VEZF1: variants seen among roughly 807,000 people sequenced by gnomAD.
The protein encoded by VEZF1 is putative transcription factor DB1.
VEZF1 carries 5 observed loss-of-function variants against 44.1 expected under a neutral mutation model. The observed-to-expected ratio is 0.11, with a 90% confidence interval of 0.06 to 0.24. VEZF1 has a LOEUF of 0.24. Ranked by LOEUF, VEZF1 falls within the 10% of genes least tolerant of loss-of-function variation. The pLI is 1.00. For missense variants in VEZF1, 358 were observed against 641.8 expected (o/e 0.56, Z 4.78); for synonymous variants, 236 against 233.1 (o/e 1.01, Z -0.11).
intron 1 of VEZF1, among the ~76,000 whole-genome samples, chr17:57,987,192 G>A (rs2075303039): frequency 6.6e-6 from 1 of 152,142 alleles, no homozygotes; most frequent in South Asian, 2.1e-4. Context: ...CTCTCCACTT[G>A]GTTGGAGGAA....
rs2075139160 is a variant in VEZF1, at chr17:57,971,876, C to T, written c.*2597G>A. ...TGCCTTTTCGTAGAGCAGTGGCTGT[C>T]GTGCCTTCAACACCTGGTTGAATCA... On this transcript the variant is annotated 3_prime_UTR_variant, in exon 6 of 6. Coordinates refer to ENST00000581208, the MANE Select transcript of VEZF1 (RefSeq NM_007146.3). 6.6e-6 allele frequency: 1 copy of T among 152,604 alleles called. No homozygotes were observed. Among genetic ancestry groups the T allele is most frequent in the Admixed American group, 6.5e-5 (1 of 15,280 alleles). 9.5% of individuals were successfully genotyped at this position (152,604 alleles called of 1,614,324 possible). A position where few individuals can be genotyped will look rare whatever the true frequency, so the allele number is the denominator to read the frequency against.
chr17:57,974,923 C>T (rs767679060), intron 5 of VEZF1, 23 bp from the exon 6 acceptor site: 10 of 1,586,980 alleles, frequency 6.3e-6, no homozygotes, highest in Non-Finnish European at 8.6e-6. Flanking sequence ...GAAAAAGGGT[C>T]TTTAGATTCT....
At chr17:57,986,347 T>C (rs545935966) in intron 1 of VEZF1, among the ~76,000 whole-genome samples, 12 of 152,288 alleles carry the variant, frequency 7.9e-5, no homozygotes, top group Non-Finnish European at 1.6e-4. Context: ...ATGCTTAATA[T>C]GGTTTTTAAT....
chr17:57,981,816 CCTT>C, intron 3 of VEZF1, 54 bp downstream of exon 3: 1 of 1,538,504 alleles, frequency 6.5e-7, no homozygotes, highest in Non-Finnish European at 9.0e-7. Context: ...CTGGCTCAGA[CCTT>C]CTGGATAATG....
In VEZF1 at chr17:57,974,867, G is replaced by A. The variant is rs2075173586; in HGVS notation, c.1172C>T (p.Ala391Val). Residue 391 changes from alanine to valine, a missense_variant, in exon 6 of 6, where the codon GCT (alanine) becomes GTT (valine). Physicochemically the swap from Ala to Val is moderately conservative, Grantham distance 64. Coordinates refer to ENST00000581208, the MANE Select transcript of VEZF1 (RefSeq NM_007146.3). ...AGTAGTGAGAGTCACAGGTGTCGTA[G>A]CAGCCGTGGAGGTTTGGCACAGGTT... is the stretch of plus-strand genomic sequence containing the variant. Reference protein sequence around the residue: ...AANLCQTSTAATTPVTLTTPF... With the variant: ...AANLCQTSTAVTTPVTLTTPF... The A allele has an allele frequency of 1.2e-6, 2 of 1,614,000 alleles. No individual in the cohort carries two copies. Among genetic ancestry groups the A allele is most frequent in the Admixed American group, 3.3e-5 (2 of 60,006 alleles).
intron 4 of VEZF1, among the ~76,000 whole-genome samples, chr17:57,980,113 C>T (rs573705832): frequency 6.6e-6 from 1 of 152,070 alleles, no homozygotes; most frequent in Admixed American, 6.5e-5. Context: ...ACACATTAAG[C>T]TTTCTTCCCC....
rs1392840939 is a variant in VEZF1, at chr17:57,988,251, C to T, written c.-140G>A. On this transcript the variant is annotated 5_prime_UTR_variant, in exon 1 of 6. Coordinates refer to ENST00000581208, the MANE Select transcript of VEZF1 (RefSeq NM_007146.3). ...CTCAACATGGCAGCGCCGAGCGCGG[C>T]CACTTCCGGTAACCTCCGGGACGCA... 5.9e-6 allele frequency: 1 copy of T among 170,626 alleles called. No homozygotes were observed. Among genetic ancestry groups the T allele is most frequent in the Non-Finnish European group, 1.2e-5 (1 of 80,326 alleles). 10.6% of individuals were successfully genotyped at this position (170,626 alleles called of 1,614,324 possible). A position where few individuals can be genotyped will look rare whatever the true frequency, so the allele number is the denominator to read the frequency against.
At position 57,988,166 on chromosome 17, in the gene VEZF1, C is replaced by T. The variant is rs2075319949; in HGVS notation, c.-55G>A. ...ACTCCCCCCGCTCGGGGAGCCTCCT[C>T]AGCCGGAGGAGGCGACAACAAAGCG... On this transcript the variant is annotated 5_prime_UTR_variant, in exon 1 of 6. It removes the in-frame stop codon of an upstream open reading frame in the 5' UTR. Transcript: ENST00000581208. 3 of 515,314 alleles carry T rather than the reference C, an allele frequency of 5.8e-6. No individual in the cohort carries two copies. The highest frequency in any genetic ancestry group is 1.5e-4 in the South Asian group (2 of 12,972). 31.9% of individuals were successfully genotyped at this position (515,314 alleles called of 1,614,324 possible).
chr17:57,983,063 C>T lies in VEZF1; in HGVS notation c.364G>A (p.Asp122Asn). 1.2e-6 allele frequency: 2 copies of T among 1,614,150 alleles called. No homozygotes were observed. Among genetic ancestry groups the T allele is most frequent in the Non-Finnish European group, 8.5e-7 (1 of 1,180,028 alleles). Reference sequence around the variant, plus strand: ...GAGACCAACGAAGTTCGGCTGCTGTCCCCAGCGATGGTAGAGATAAGGGGA... The same window carrying T: ...GAGACCAACGAAGTTCGGCTGCTGTTCCCAGCGATGGTAGAGATAAGGGGA... ...VVPLISTIAG[D>N]SSRTSLVSTI... Residue 122 changes from aspartate (D) to asparagine (N), a missense_variant, in exon 2 of 6, where the codon GAC becomes AAC. Around this residue, in one of 4 missense-constraint regions of VEZF1, gnomAD observed 117 missense variants for 207.2 expected, o/e 0.56. Coordinates refer to ENST00000581208, the MANE Select transcript of VEZF1 (RefSeq NM_007146.3).
At chr17:57,985,496 A>C in intron 1 of VEZF1, 4 of 1,165,544 alleles carry the variant, frequency 3.4e-6, no homozygotes, top group Non-Finnish European at 4.3e-6. Flanking sequence ...AATAACAACC[A>C]CGGCCAGCCT....
In VEZF1 at chr17:57,980,806, T is replaced by C. The variant is rs1289987305; in HGVS notation, c.793-20A>G. ...GCACGTCTGCATGAGGGAGGAAAACTTTTTTTAAATATAGACTATCCTGTT... is the reference window on the plus strand; with the variant it reads ...GCACGTCTGCATGAGGGAGGAAAACCTTTTTTAAATATAGACTATCCTGTT... On this transcript the variant is annotated intron_variant, in intron 3 of 5. Coordinates refer to ENST00000581208, the MANE Select transcript of VEZF1 (RefSeq NM_007146.3). 3 of 1,612,832 alleles carry C rather than the reference T, an allele frequency of 1.9e-6. No homozygotes were observed. Among genetic ancestry groups the C allele is most frequent in the East Asian group, 2.2e-5 (1 of 44,858 alleles).
intron 1 of VEZF1, chr17:57,985,466 C>A: frequency 8.2e-7 from 1 of 1,218,318 alleles, no homozygotes. Flanking sequence ...AACTTCTTCT[C>A]TGGGGGAGAG....
intron 2 of VEZF1, 69 bp downstream of exon 2, chr17:57,982,630 A>C: frequency 7.0e-7 from 1 of 1,437,086 alleles, no homozygotes; most frequent in Non-Finnish European, 9.4e-7. Context: ...ATTCTAGATC[A>C]CATGGAGACA....
intron 5 of VEZF1, among the ~76,000 whole-genome samples, chr17:57,977,274 G>A (rs117159486): frequency 0.016 from 2,374 of 151,936 alleles, 35 homozygotes; most frequent in Non-Finnish European, 0.019. Context: ...GCACTGTCAC[G>A]TCCGGCTAAT....
In VEZF1 at chr17:57,982,734, G is replaced by C. The variant is rs1433983195; in HGVS notation, c.693C>G (p.Pro231=). 3 of 1,614,004 alleles carry C rather than the reference G, an allele frequency of 1.9e-6. No individual in the cohort carries two copies. Among genetic ancestry groups the C allele is most frequent in the Non-Finnish European group, 2.5e-6 (3 of 1,179,922 alleles). ...CTTTCCCACAAACACTGCAAGTATA[G>C]GGTTTGGTGATGCCTCCTTCATGAG... ...VRSHEGGITK[P]YTCSVCGKGF... The change falls in exon 2 of 6, where the codon CCC becomes CCG. Residue 231 remains proline, a synonymous_variant. Coordinates refer to ENST00000581208, the MANE Select transcript of VEZF1 (RefSeq NM_007146.3).
Position 57,974,751 on chromosome 17 carries a change from C to T in VEZF1, c.1288G>A (p.Val430Ile). ...CTGGTTATGTTAACTGCACTTGAAA[C>T]ATTTACTGGACTTCTCATGCTCATT... ...AAMSMRSPVNVSSAVNITSPM... is the reference protein window; with the variant it reads ...AAMSMRSPVNISSAVNITSPM... Residue 430 changes from valine to isoleucine, a missense_variant, in exon 6 of 6, where the codon GTT (valine) becomes ATT (isoleucine). By Grantham distance (29) the Val-to-Ile change is conservative (BLOSUM62 3). This residue lies in a region of VEZF1 where 171 missense variants were observed against 272.4 expected (regional missense o/e 0.63). Transcript: ENST00000581208. 5 of 1,614,116 alleles carry T rather than the reference C, an allele frequency of 3.1e-6. No homozygotes were observed. The highest frequency in any genetic ancestry group is 4.2e-6 in the Non-Finnish European group (5 of 1,180,026).
In VEZF1 at chr17:57,981,696, G is replaced by A. The variant is rs73995412; in HGVS notation, c.792+177C>T. ...CACGCTTAAATTTTTAAATGATCTT[G>A]CTTTACAGAAACAGAAGCTGTCAGT... On this transcript the variant is annotated intron_variant, in intron 3 of 5. Coordinates refer to ENST00000581208, the MANE Select transcript of VEZF1 (RefSeq NM_007146.3). Among the ~76,000 whole-genome samples the A allele has an allele frequency of 0.11, 16,931 of 152,074 alleles. 1,113 individuals are homozygous for A. Among genetic ancestry groups the A allele is most frequent in the African/African-American group, 0.17 (7,204 of 41,438 alleles).
chr17:57,977,961 A>AG (rs2075208484), intron 5 of VEZF1, among the ~76,000 whole-genome samples: 1 of 151,966 alleles, frequency 6.6e-6, no homozygotes, highest in Non-Finnish European at 1.5e-5. Flanking sequence ...CCAGAACTTT[A>AG]GGAGTCTGAG....
Position 57,972,744 on chromosome 17 carries a change from GTCCTAAAGTACAAAAGA to G in VEZF1, c.*1712_*1728del, listed in dbSNP as rs1373116162. 6.6e-6 allele frequency: 1 copy of G among 152,442 alleles called. No homozygotes were observed. The highest frequency in any genetic ancestry group is 2.4e-5 in the African/African-American group (1 of 41,428). The allele number at this position is 152,442 out of a possible 1,614,324, so 9.4% of individuals were successfully genotyped here. On this transcript the variant is annotated 3_prime_UTR_variant, in exon 6 of 6. Transcript: ENST00000581208. ...ATATACAAAAGTTGTACAATTTAATGTCCTAAAGTACAAAAGATCATTTATAAAATTATTTTACACTA... is the reference window on the plus strand; with the variant it reads ...ATATACAAAAGTTGTACAATTTAATGTCATTTATAAAATTATTTTACACTA...
Sources: allele counts gnomAD v4.1 joint callset (sites outside exome capture counted in the v4.1 genomes callset), GRCh38; gene constraint gnomAD v4.1.1; regional missense constraint gnomAD v4.1.1; transcripts MANE v1.5; gene names NCBI Gene and HGNC (gene_info 2026-07-23, HGNC 2026-07-21).